KCNIP4: variants seen among roughly 807,000 people sequenced by gnomAD.
The protein encoded by KCNIP4 is Kv channel-interacting protein 4.
Under a neutral mutation model 34.0 loss-of-function variants are expected in KCNIP4, and 12 were observed. The ratio of observed to expected loss-of-function variants is 0.35; its 90% CI spans 0.23 to 0.57. The LOEUF is 0.57. KCNIP4 is among the 20% of genes least tolerant of loss of function. The probability of loss-of-function intolerance (pLI) is 0.83; values close to 1 mark genes in which losing one functional copy is unlikely to be tolerated. For missense variants in KCNIP4, 238 were observed against 311.7 expected (o/e 0.76, Z 1.78); for synonymous variants, 124 against 102.2 (o/e 1.21, Z -1.29).
At chr4:21,382,844 T>C (rs558250548) in intron 1 of KCNIP4, among the ~76,000 whole-genome samples, 2 of 152,204 alleles carry the variant, frequency 1.3e-5, no homozygotes, top group African/African-American at 2.4e-5. Context: ...TTAGCACATA[T>C]TTATTGAGTG....
chr4:21,509,175 G>A (rs1734099653), intron 1 of KCNIP4, among the ~76,000 whole-genome samples: 1 of 152,100 alleles, frequency 6.6e-6, no homozygotes, highest in African/African-American at 2.4e-5. Context: ...AAACTGGGAA[G>A]GAATAGAAAT....
intron 2 of KCNIP4, among the ~76,000 whole-genome samples, chr4:20,881,431 C>A (rs1226736488): frequency 3.3e-5 from 5 of 151,922 alleles, no homozygotes; most frequent in African/African-American, 1.2e-4. Flanking sequence ...TCAGGGAATT[C>A]CACCTAGATT....
intron 1 of KCNIP4, among the ~76,000 whole-genome samples, chr4:21,410,483 G>A (rs6847578): frequency 0.2 from 30,383 of 152,118 alleles, 3,409 homozygotes; most frequent in Middle Eastern, 0.27. Flanking sequence ...ATGTTGTGAA[G>A]ACATTCAAGC....
chr4:20,846,963 C>T (rs11934232), intron 3 of KCNIP4, among the ~76,000 whole-genome samples: 53,097 of 151,986 alleles, frequency 0.35, 9,895 homozygotes, highest in Non-Finnish European at 0.42. Context: ...ATGGTTGCAA[C>T]GTGCATTTAA....
intron 1 of KCNIP4, among the ~76,000 whole-genome samples, chr4:21,785,207 T>C (rs1160830903): frequency 1.3e-5 from 2 of 152,034 alleles, no homozygotes; most frequent in Non-Finnish European, 2.9e-5. Context: ...AATTCACCCA[T>C]TTAAAGTATC....
At position 21,020,090 on chromosome 4, in the gene KCNIP4, AT is replaced by A. The variant is rs1365572153; in HGVS notation, c.62-137382del. Among the ~76,000 whole-genome samples the A allele has an allele frequency of 5.3e-5, 8 of 152,272 alleles. No homozygotes were observed. The South Asian group carries it at 1.7e-3, about 32-fold the overall frequency. On this transcript the variant is annotated intron_variant, in intron 1 of 8. Coordinates refer to ENST00000382152, the MANE Select transcript of KCNIP4 (RefSeq NM_025221.6). ...CTTCTGCTGTTTTCCACAGTTTTTC[AT>A]ATCCCTAACACATGGTCACATTATA...
chr4:21,473,511 A>G (rs148045965), intron 1 of KCNIP4, among the ~76,000 whole-genome samples: 98 of 152,324 alleles, frequency 6.4e-4, no homozygotes, highest in African/African-American at 2.2e-3. Flanking sequence ...TGAAGACAGA[A>G]TCAGATCTCC....
intron 1 of KCNIP4, among the ~76,000 whole-genome samples, chr4:21,630,443 G>A (rs1399612036): frequency 2.2e-5 from 3 of 139,390 alleles, no homozygotes; most frequent in Non-Finnish European, 3.0e-5. Context: ...TGGCAACAGA[G>A]GGAGATTCCA....
At chr4:20,800,854 CA>C (rs1400658527) in intron 3 of KCNIP4, among the ~76,000 whole-genome samples, 1 of 152,042 alleles carries the variant, frequency 6.6e-6, no homozygotes, top group Admixed American at 6.6e-5. Flanking sequence ...AAAAAAGGGA[CA>C]AAAATGCTTA....
chr4:20,980,803 C>T (rs1167972647), intron 1 of KCNIP4, among the ~76,000 whole-genome samples: 2 of 147,290 alleles, frequency 1.4e-5, no homozygotes, highest in East Asian at 2.0e-4. Flanking sequence ...CTTCACTTCT[C>T]CACCATAAAA....
intron 1 of KCNIP4, chr4:21,697,828 G>C (rs989353903): frequency 4.8e-6 from 1 of 208,714 alleles, no homozygotes; most frequent in Non-Finnish European, 8.8e-6. Flanking sequence ...CAGCTCATCA[G>C]TGAATCAGCA....
At chr4:20,980,555 C>T (rs1245623463) in intron 1 of KCNIP4, among the ~76,000 whole-genome samples, 1 of 152,140 alleles carries the variant, frequency 6.6e-6, no homozygotes, top group Non-Finnish European at 1.5e-5. Context: ...CTATCTGTGT[C>T]TAATTCTAGT....
intron 1 of KCNIP4, among the ~76,000 whole-genome samples, chr4:21,814,254 C>G (rs562526814): frequency 6.6e-6 from 1 of 152,208 alleles, no homozygotes; most frequent in African/African-American, 2.4e-5. Context: ...TAACCTAAAA[C>G]CTTAATGAAA....
At chr4:21,640,056 A>T (rs1026513977) in intron 1 of KCNIP4, among the ~76,000 whole-genome samples, 4 of 152,176 alleles carry the variant, frequency 2.6e-5, no homozygotes, top group African/African-American at 9.7e-5. Context: ...TGTTCACTTG[A>T]TCTAGAACTC....
intron 1 of KCNIP4, among the ~76,000 whole-genome samples, chr4:21,867,719 CT>C (rs1560774701): frequency 6.6e-6 from 1 of 152,188 alleles, no homozygotes; most frequent in African/African-American, 2.4e-5. Flanking sequence ...AGTGAGAATC[CT>C]CTAAACCACA....
intron 1 of KCNIP4, among the ~76,000 whole-genome samples, chr4:21,637,971 C>T (rs1322225400): frequency 6.6e-6 from 1 of 152,058 alleles, no homozygotes; most frequent in Non-Finnish European, 1.5e-5. Context: ...CTTTCCTCTA[C>T]AGGAATGGGG....
intron 1 of KCNIP4, among the ~76,000 whole-genome samples, chr4:21,665,408 T>C (rs1399270458): frequency 6.6e-6 from 1 of 151,852 alleles, no homozygotes; most frequent in Non-Finnish European, 1.5e-5. Flanking sequence ...TTGTAGTAGG[T>C]GATATATTGC....
intron 1 of KCNIP4, among the ~76,000 whole-genome samples, chr4:21,815,638 T>C (rs560633933): frequency 1.8e-4 from 27 of 152,218 alleles, no homozygotes; most frequent in African/African-American, 6.5e-4. Context: ...AGAAAAAAAA[T>C]TGCTATGTTT....
rs188560635 is a variant in KCNIP4 at position 21,118,775 on chromosome 4, T to G, written c.62-236066A>C. Among the ~76,000 whole-genome samples, 219 of 151,934 alleles carry G rather than the reference T, an allele frequency of 1.4e-3. 1 individual carries two copies. The highest frequency in any genetic ancestry group is 0.013 in the Admixed American group (205 of 15,242). ...CTCCTTGCCTCCCCCTTAAGATGTGTGTAGGAAGGGGGAAGGCAGAATGAC... is the reference window on the plus strand; with the variant it reads ...CTCCTTGCCTCCCCCTTAAGATGTGGGTAGGAAGGGGGAAGGCAGAATGAC... On this transcript the variant is annotated intron_variant, in intron 1 of 8. Coordinates refer to ENST00000382152, the MANE Select transcript of KCNIP4 (RefSeq NM_025221.6).
Sources: gnomAD v4.1 joint callset for allele counts (sites outside exome capture counted in the v4.1 genomes callset) on GRCh38, gnomAD v4.1.1 for gene constraint, MANE v1.5 for transcripts, NCBI Gene and HGNC (gene_info 2026-07-23, HGNC 2026-07-21) for gene names.